SLC3A2: variants seen among roughly 807,000 people sequenced by gnomAD.
SLC3A2 encodes solute carrier family 3 member 2, also known as amino acid transporter heavy chain SLC3A2.
A neutral mutation model predicts 48.5 loss-of-function variants in SLC3A2; 32 were observed. That is an observed-to-expected ratio of 0.66 (90% CI 0.50 to 0.89). SLC3A2 has a LOEUF of 0.89. Among genes scored for constraint, SLC3A2 ranks in the 40% least tolerant of loss-of-function variants. SLC3A2 has a pLI of 0.00. For synonymous variants in SLC3A2, 277 were observed against 288.8 expected (o/e 0.96, Z 0.41); for missense variants, 587 against 680.7 (o/e 0.86, Z 1.53).
At chr11:62,882,488 C>CTTTT in intron 2 of SLC3A2, 6 of 184,360 alleles carry the variant, frequency 3.3e-5, no homozygotes, top group East Asian at 2.8e-4. Context: ...CTTCCAATAT[C>CTTTT]TTTTTTTTTT....
intron 1 of SLC3A2, among the ~76,000 whole-genome samples, chr11:62,857,208 G>T (rs2085341067): frequency 1.3e-5 from 2 of 151,580 alleles, no homozygotes; most frequent in Non-Finnish European, 2.9e-5. Context: ...TGCAACCTCC[G>T]CTTCCCAGGT....
chr11:62,872,696 C>T (rs951133250), intron 1 of SLC3A2, among the ~76,000 whole-genome samples: 2 of 152,134 alleles, frequency 1.3e-5, no homozygotes, highest in Non-Finnish European at 2.9e-5. Flanking sequence ...TCTGCCTCCC[C>T]GGTTCAAGTG....
chr11:62,883,028 A>T, intron 3 of SLC3A2, 29 bp downstream of exon 3: 1 of 1,597,626 alleles, frequency 6.3e-7, no homozygotes. Context: ...GGCTGGTGGA[A>T]GTCAGATGCT....
chr11:62,867,322 CTTTTTTTTTTTT>C (rs56758000), intron 1 of SLC3A2, among the ~76,000 whole-genome samples: 3 of 67,640 alleles, frequency 4.4e-5, no homozygotes, highest in African/African-American at 5.1e-5. Context: ...CTTTTCTTTT[CTTTTTTTTTTTT>C]TTTTTTTTTT....
intron 1 of SLC3A2, among the ~76,000 whole-genome samples, chr11:62,871,073 C>T (rs1175944508): frequency 2.0e-5 from 3 of 150,174 alleles, no homozygotes; most frequent in African/African-American, 4.9e-5. Flanking sequence ...TTAGTAGAGA[C>T]GAGTTTCAGC....
rs1452307308 is a variant in SLC3A2, at chr11:62,888,394, A to G, written c.1291A>G (p.Lys431Glu). 1 of 1,614,208 alleles carries G rather than the reference A, an allele frequency of 6.2e-7. No individual in the cohort carries two copies. Among genetic ancestry groups the G allele is most frequent in the South Asian group, 1.1e-5 (1 of 91,086 alleles). Reference protein sequence around the residue: ...LFRRLSDQRSKERSLLHGDFH... With the variant: ...LFRRLSDQRSEERSLLHGDFH... Reference sequence around the variant, plus strand: ...CCGGCGGCTGAGTGACCAGCGGAGTAAGGAGCGCTCCCTACTGCATGGGGA... The same window carrying G: ...CCGGCGGCTGAGTGACCAGCGGAGTGAGGAGCGCTCCCTACTGCATGGGGA... The change falls in exon 9 of 9, where the codon AAG (lysine) becomes GAG (glutamate). Residue 431 changes from lysine (K) to glutamate (E), a missense_variant. Lys to Glu is a moderately conservative substitution (Grantham distance 56, BLOSUM62 1). This residue lies in a region of SLC3A2 where 169 missense variants were observed against 204.4 expected (regional missense o/e 0.83). Coordinates refer to ENST00000338663, the MANE Select transcript of SLC3A2 (RefSeq NM_001013251.3).
intron 8 of SLC3A2, 29 bp downstream of exon 8, chr11:62,888,247 C>A: frequency 1.2e-6 from 2 of 1,611,598 alleles, no homozygotes; most frequent in Non-Finnish European, 1.7e-6. Context: ...TAGAAACTGA[C>A]CGGTGGAGGG....
chr11:62,885,182 T>C lies in SLC3A2; in HGVS notation c.824T>C (p.Leu275Ser), dbSNP rs759569314. ...ITKGFSEDRLLIAGTNSSDLQ... is the reference protein window; with the variant it reads ...ITKGFSEDRLSIAGTNSSDLQ... The stretch of plus-strand genomic sequence containing the variant: ...CTCCTCCCTCCCCTCTGCAGGCTCT[T>C]GATTGCGGGGACTAACTCCTCCGAC... The change falls in exon 6 of 9, where the codon TTG becomes TCG. Residue 275 changes from leucine (L) to serine (S), a missense_variant. Transcript: ENST00000338663. 1.2e-6 allele frequency: 2 copies of C among 1,613,924 alleles called. No individual in the cohort carries two copies. The highest frequency in any genetic ancestry group is 2.7e-5 in the African/African-American group (2 of 74,904).
At position 62,881,801 on chromosome 11, in the gene SLC3A2, C is replaced by G. The variant is rs1590633180; in HGVS notation, c.425-92C>G. 6.8e-7 allele frequency: 1 copy of G among 1,462,022 alleles called. No homozygotes were observed. The highest frequency in any genetic ancestry group is 9.3e-7 in the Non-Finnish European group (1 of 1,072,440). 90.6% of individuals were successfully genotyped at this position (1,462,022 alleles called of 1,614,324 possible). A position where few individuals can be genotyped will look rare whatever the true frequency, so the allele number is the denominator to read the frequency against. On this transcript the variant is annotated intron_variant, in intron 1 of 8. Coordinates refer to ENST00000338663, the MANE Select transcript of SLC3A2 (RefSeq NM_001013251.3). This position sits in a 1 kb window ranked among gnomAD's most constrained non-coding sequence, Gnocchi z 4.0. Reference sequence around the variant, plus strand: ...CCCTCTCTCCCCCTTTGCCCCCTCCCCGTCCCACCCTTAGGCGCTGGGAGA... The same window carrying G: ...CCCTCTCTCCCCCTTTGCCCCCTCCGCGTCCCACCCTTAGGCGCTGGGAGA...
Position 62,882,925 on chromosome 11 carries a change from GA to G in SLC3A2, c.617del (p.Asp206AlafsTer24). 1 of 1,614,142 alleles carries G rather than the reference GA, an allele frequency of 6.2e-7. No homozygotes were observed. The highest frequency in any genetic ancestry group is 8.5e-7 in the Non-Finnish European group (1 of 1,180,030). On this transcript the variant is annotated frameshift_variant, in exon 3 of 9. Transcript: ENST00000338663. LOFTEE classifies it high-confidence loss of function. ...TGTTTTAGGCATCCGTGTCATTCTG[GA>G]CCTTACTCCCAACTACCGGGGTGAG... is the stretch of plus-strand genomic sequence containing the variant. Reference protein sequence around the residue: ...AKKKSIRVILDLTPNYRGENS... With the variant: ...AKKKSIRVILXLTPNYRGENS...
intron 1 of SLC3A2, among the ~76,000 whole-genome samples, chr11:62,867,750 G>T (rs2085469036): frequency 6.6e-6 from 1 of 151,780 alleles, no homozygotes; most frequent in African/African-American, 2.4e-5. Flanking sequence ...CAAAGTGCTG[G>T]GATTATAGGC....
chr11:62,885,289 G>A lies in SLC3A2; in HGVS notation c.931G>A (p.Gly311Arg). Residue 311 changes from glycine (G) to arginine (R), a missense_variant, in exon 6 of 9, where the codon GGG becomes AGG. Physicochemically the swap from Gly to Arg is moderately radical, Grantham distance 125 (BLOSUM62 -2). Transcript: ENST00000338663. ...SSYLSDSGST[G>R]EHTKSLVTQY... ...ATACCTGTCTGATTCTGGTTCTACT[G>A]GGGAGCATACAAAATCCCTAGTCAC... is the stretch of plus-strand genomic sequence containing the variant. 6.2e-7 allele frequency: 1 copy of A among 1,614,180 alleles called. No individual in the cohort carries two copies.
chr11:62,871,534 C>T (rs771495896), intron 1 of SLC3A2: 2 of 599,738 alleles, frequency 3.3e-6, no homozygotes, highest in African/African-American at 1.9e-5. Flanking sequence ...GCCACTGTGC[C>T]CAACCATACT....
Position 62,884,503 on chromosome 11 carries a change from T to C in SLC3A2, c.737T>C (p.Val246Ala). The C allele has an allele frequency of 6.2e-7, 1 of 1,614,190 alleles. No homozygotes were observed. The change falls in exon 4 of 9, where the codon GTT (valine) becomes GCT (alanine). Residue 246 changes from valine (V) to alanine (A), a missense_variant. Val to Ala is a moderately conservative substitution (Grantham distance 64, BLOSUM62 0). This residue lies in a region of SLC3A2 where 409 missense variants were observed against 446.7 expected (regional missense o/e 0.92). Transcript: ENST00000338663. ...WLQAGVDGFQ[V>A]RDIENLKDAS... ...CAAGCTGGCGTGGATGGGTTCCAGG[T>C]TCGGGACATAGAGAATCTGAAGGTG... is the stretch of plus-strand genomic sequence containing the variant.
Position 62,881,628 on chromosome 11 carries a change from G to A in SLC3A2, c.424+181G>A. On this transcript the variant is annotated intron_variant, in intron 1 of 8. Transcript: ENST00000338663. The surrounding 1 kb of genome is among the most constrained non-coding windows in gnomAD (Gnocchi z 4.0). Reference sequence around the variant, plus strand: ...TCCTTCCCTCCTTTCTTTGAAGAAAGCCGACCCGCCCCTCACTCCGTCACG... The same window carrying A: ...TCCTTCCCTCCTTTCTTTGAAGAAAACCGACCCGCCCCTCACTCCGTCACG... The A allele has an allele frequency of 2.3e-5, 22 of 962,020 alleles. No homozygotes were observed. Among genetic ancestry groups the A allele is most frequent in the Non-Finnish European group, 3.2e-5 (22 of 689,918 alleles). 59.6% of individuals were successfully genotyped at this position (962,020 alleles called of 1,614,324 possible).
In SLC3A2 at chr11:62,885,445, TG is replaced by T; in HGVS notation, c.1000-18del. 1 of 1,614,182 alleles carries T rather than the reference TG, an allele frequency of 6.2e-7. No homozygotes were observed. The highest frequency in any genetic ancestry group is 2.2e-5 in the East Asian group (1 of 44,866). ...GGCAGAGGTGGGTTATGGGGCTCAC[TG>T]GAGTGTCTCTCCCTGTAGTTGTCTC... On this transcript the variant is annotated intron_variant, in intron 6 of 8. Transcript: ENST00000338663.
At chr11:62,861,999 C>T (rs540373522) in intron 1 of SLC3A2, among the ~76,000 whole-genome samples, 2 of 151,154 alleles carry the variant, frequency 1.3e-5, no homozygotes, top group East Asian at 3.9e-4. Flanking sequence ...TAAGCTATAG[C>T]CCAAATTGAT....
At position 62,885,164 on chromosome 11, in the gene SLC3A2, C is replaced by G. The variant is rs1565255862; in HGVS notation, c.819-13C>G. On this transcript the variant is annotated splice_polypyrimidine_tract_variant and intron_variant, in intron 5 of 8. Transcript: ENST00000338663. ...TCTTGTGCTAACCTTGAACTCCTCC[C>G]TCCCCTCTGCAGGCTCTTGATTGCG... 1 of 1,613,418 alleles carries G rather than the reference C, an allele frequency of 6.2e-7. No homozygotes were observed. The highest frequency in any genetic ancestry group is 8.5e-7 in the Non-Finnish European group (1 of 1,179,760).
chr11:62,885,371 T>C lies in SLC3A2; in HGVS notation c.999+14T>C. 1 of 1,614,024 alleles carries C rather than the reference T, an allele frequency of 6.2e-7. No individual in the cohort carries two copies. The highest frequency in any genetic ancestry group is 8.5e-7 in the Non-Finnish European group (1 of 1,179,932). On this transcript the variant is annotated intron_variant, in intron 6 of 8. Coordinates refer to ENST00000338663, the MANE Select transcript of SLC3A2 (RefSeq NM_001013251.3). Reference sequence around the variant, plus strand: ...TGCAGCTGGAGTGTGAGTACCATGCTGGTGGGAAAGGGGGCAGATGGGAGA... The same window carrying C: ...TGCAGCTGGAGTGTGAGTACCATGCCGGTGGGAAAGGGGGCAGATGGGAGA...
Sources: gnomAD v4.1 joint callset for allele counts (sites outside exome capture counted in the v4.1 genomes callset) on GRCh38, gnomAD v4.1.1 for gene constraint, gnomAD v4.1.1 regional missense constraint, Gnocchi (gnomAD v3.1) non-coding constraint, MANE v1.5 for transcripts, NCBI Gene and HGNC (gene_info 2026-07-23, HGNC 2026-07-21) for gene names.